TSNAX: variants seen among roughly 807,000 people sequenced by gnomAD.
TSNAX encodes translin-associated protein X.
A neutral mutation model predicts 33.0 loss-of-function variants in TSNAX; 12 were observed. The observed-to-expected ratio is 0.36, with a 90% CI of 0.23 to 0.59. The LOEUF (loss-of-function observed/expected upper bound fraction) is 0.59, where lower values mean the gene tolerates loss of function less well. TSNAX is among the 20% of genes least tolerant of loss of function. TSNAX has a pLI of 0.74. For missense variants in TSNAX, 267 were observed against 341.3 expected (o/e 0.78, Z 1.72); for synonymous variants, 110 against 117.2 (o/e 0.94, Z 0.40).
At chr1:231,537,448 A>T (rs929328051) in intron 3 of TSNAX, 121 bp downstream of exon 3, 9 of 635,320 alleles carry the variant, frequency 1.4e-5, no homozygotes, top group African/African-American at 3.9e-5. Context: ...ATTTTAATAA[A>T]AATAGGTCTC....
At chr1:231,554,259 T>C (rs1416752398) in intron 4 of TSNAX, among the ~76,000 whole-genome samples, 1 of 152,130 alleles carries the variant, frequency 6.6e-6, no homozygotes, top group Admixed American at 6.5e-5. Flanking sequence ...TATTTTAACT[T>C]AAGTACAACT....
At chr1:231,532,182 AC>A (rs1658794928) in intron 2 of TSNAX, among the ~76,000 whole-genome samples, 1 of 108,346 alleles carries the variant, frequency 9.2e-6, no homozygotes, top group Non-Finnish European at 2.0e-5. Context: ...ACACACACAC[AC>A]ACAGTTTTGG....
chr1:231,541,439 C>T (rs540573030), intron 3 of TSNAX, among the ~76,000 whole-genome samples: 30 of 152,258 alleles, frequency 2.0e-4, no homozygotes, highest in African/African-American at 6.5e-4. Flanking sequence ...CTTATCATTT[C>T]GCGTATGGTA....
At chr1:231,560,075 G>A (rs1020583423) in intron 4 of TSNAX, among the ~76,000 whole-genome samples, 35 of 151,362 alleles carry the variant, frequency 2.3e-4, no homozygotes, top group Non-Finnish European at 3.4e-4. Flanking sequence ...TGCTTCCCGG[G>A]TTCACGCCAT....
intron 4 of TSNAX, among the ~76,000 whole-genome samples, chr1:231,547,032 T>C (rs1055997370): frequency 7.9e-5 from 12 of 152,208 alleles, no homozygotes; most frequent in African/African-American, 2.7e-4. Context: ...AAGCAAAATA[T>C]GTTTGATGAA....
At position 231,557,447 on chromosome 1, in the gene TSNAX, A is replaced by G. The variant is rs541278697; in HGVS notation, c.368-3681A>G. ...TCCATTAGTCTTATTTATTATGGTA[A>G]TCTTAGCAAGAACTATTTTGTTTTA... On this transcript the variant is annotated intron_variant, in intron 4 of 5. Transcript: ENST00000366639. Among the ~76,000 whole-genome samples, 6 of 152,318 alleles carry G rather than the reference A, an allele frequency of 3.9e-5. No individual in the cohort carries two copies. The East Asian group carries it at 1.2e-3, about 29-fold the overall frequency.
chr1:231,534,126 A>G (rs1267522470), intron 2 of TSNAX: 1 of 152,230 alleles, frequency 6.6e-6, no homozygotes, highest in African/African-American at 2.4e-5. Context: ...TATTTAATAG[A>G]ATATTCCTCA....
At chr1:231,532,259 T>G (rs1658809219) in intron 2 of TSNAX, among the ~76,000 whole-genome samples, 1 of 150,894 alleles carries the variant, frequency 6.6e-6, no homozygotes, top group Non-Finnish European at 1.5e-5. Flanking sequence ...TGGCGTGATC[T>G]TGGCTCACTG....
intron 2 of TSNAX, among the ~76,000 whole-genome samples, chr1:231,530,937 G>A (rs890428151): frequency 2.0e-5 from 3 of 150,326 alleles, no homozygotes; most frequent in Admixed American, 6.7e-5. Flanking sequence ...CTCATTACCC[G>A]TCTGCTGAAC....
At chr1:231,543,389 T>C (rs1182583017) in intron 4 of TSNAX, among the ~76,000 whole-genome samples, 2 of 151,864 alleles carry the variant, frequency 1.3e-5, no homozygotes, top group Non-Finnish European at 2.9e-5. Flanking sequence ...ATTTTGAGTG[T>C]TGAAATATTC....
At chr1:231,551,323 G>A (rs2124924681) in intron 4 of TSNAX, among the ~76,000 whole-genome samples, 1 of 152,282 alleles carries the variant, frequency 6.6e-6, no homozygotes, top group South Asian at 2.1e-4. Flanking sequence ...TCAGTGAGGT[G>A]AAGTAGAAAG....
chr1:231,560,438 A>G (rs1369036318), intron 4 of TSNAX, among the ~76,000 whole-genome samples: 3 of 81,950 alleles, frequency 3.7e-5, no homozygotes, highest in Non-Finnish European at 4.4e-5. Context: ...TTTTGAGACG[A>G]AGTCTCGCTC....
At chr1:231,547,154 T>G (rs994603865) in intron 4 of TSNAX, among the ~76,000 whole-genome samples, 5 of 152,204 alleles carry the variant, frequency 3.3e-5, no homozygotes, top group African/African-American at 1.2e-4. Context: ...TAGATTTTTC[T>G]TTTGTTTGAA....
chr1:231,560,404 T>TCCCC (rs1491140441), intron 4 of TSNAX, among the ~76,000 whole-genome samples: 6 of 76,970 alleles, frequency 7.8e-5, no homozygotes, highest in African/African-American at 3.3e-4. Flanking sequence ...GCTTTTCTTT[T>TCCCC]CTCCCCCCCC....
chr1:231,538,974 A>G (rs1011459513), intron 3 of TSNAX, among the ~76,000 whole-genome samples: 7 of 152,114 alleles, frequency 4.6e-5, no homozygotes, highest in Non-Finnish European at 8.8e-5. Flanking sequence ...CCGTTCAGTA[A>G]CATGAAACTT....
intron 3 of TSNAX, among the ~76,000 whole-genome samples, chr1:231,539,358 C>G (rs974634183): frequency 6.6e-6 from 1 of 152,128 alleles, no homozygotes; most frequent in African/African-American, 2.4e-5. Flanking sequence ...TTTTGGAATA[C>G]TTGCAGATAA....
At chr1:231,548,966 A>T (rs957801211) in intron 4 of TSNAX, among the ~76,000 whole-genome samples, 7 of 152,218 alleles carry the variant, frequency 4.6e-5, no homozygotes, top group Admixed American at 4.6e-4. Flanking sequence ...TGAGGATGGG[A>T]TCCAGAGCTT....
At chr1:231,548,346 A>G (rs7528418) in intron 4 of TSNAX, among the ~76,000 whole-genome samples, 2 of 152,196 alleles carry the variant, frequency 1.3e-5, no homozygotes, top group African/African-American at 4.8e-5. Flanking sequence ...AAATGAGTAA[A>G]CTTAACTCAG....
Position 231,537,195 on chromosome 1 carries a change from A to G in TSNAX, c.122-18A>G, listed in dbSNP as rs368236717. Reference sequence around the variant, plus strand: ...TGAGTATAGAATATACATGCTTATGATCATAATGTGTTTTTAGCATTTCAG... The same window carrying G: ...TGAGTATAGAATATACATGCTTATGGTCATAATGTGTTTTTAGCATTTCAG... On this transcript the variant is annotated intron_variant, in intron 2 of 5. Coordinates refer to ENST00000366639, the MANE Select transcript of TSNAX (RefSeq NM_005999.3). 7 of 1,555,040 alleles carry G rather than the reference A, an allele frequency of 4.5e-6. No individual in the cohort carries two copies. Among genetic ancestry groups the G allele is most frequent in the Admixed American group, 1.7e-5 (1 of 57,762 alleles).
Sources: allele counts gnomAD v4.1 joint callset (sites outside exome capture counted in the v4.1 genomes callset), GRCh38; gene constraint gnomAD v4.1.1; transcripts MANE v1.5; gene names NCBI Gene and HGNC (gene_info 2026-07-23, HGNC 2026-07-21).